Variants in HDAC9 observed in about 807,000 individuals in gnomAD.
HDAC9 encodes MEF-2 interacting transcription repressor (MITR) protein.
HDAC9 carries 41 observed loss-of-function variants against 139.4 expected under a neutral mutation model. The observed-to-expected ratio is 0.29, with a 90% CI of 0.23 to 0.38. The LOEUF is 0.38. Ranked by LOEUF, HDAC9 falls within the 10% of genes least tolerant of loss-of-function variation. The pLI is 1.00. For missense variants in HDAC9, 1,147 were observed against 1,297.0 expected, an observed-to-expected ratio of 0.88 and a Z score of 1.78; for synonymous variants, 517 against 476.2, an observed-to-expected ratio of 1.09 and a Z score of -1.12.
chr7:18,835,637 T>C, intron 20 of HDAC9, 51 bp downstream of exon 20: 2 of 1,607,564 alleles, frequency 1.2e-6, no homozygotes, highest in Non-Finnish European at 1.7e-6. Flanking sequence ...TTTCAGGTAA[T>C]TGCATTGCAT....
At chr7:18,357,614 G>A (rs1783424813) in intron 1 of HDAC9, among the ~76,000 whole-genome samples, 3 of 152,142 alleles carry the variant, frequency 2.0e-5, no homozygotes, top group African/African-American at 7.2e-5. Flanking sequence ...AAAAAGGTCA[G>A]TAAGTATATA....
intron 1 of HDAC9, among the ~76,000 whole-genome samples, chr7:18,142,559 CCATG>C (rs1785983062): frequency 6.6e-6 from 1 of 152,208 alleles, no homozygotes; most frequent in Non-Finnish European, 1.5e-5. Flanking sequence ...GCCTCCCTCA[CCATG>C]CAAGGGAATT....
At chr7:18,198,423 G>C (rs576154917) in intron 2 of HDAC9, among the ~76,000 whole-genome samples, 1 of 152,116 alleles carries the variant, frequency 6.6e-6, no homozygotes, top group Middle Eastern at 3.2e-3. Context: ...TCTTCTCTTA[G>C]AGTTGATTAT....
Position 18,149,739 on chromosome 7 carries a change from A to G in HDAC9, c.-96-12490A>G, listed in dbSNP as rs1401055220. Among the ~76,000 whole-genome samples, 10 of 151,846 alleles carry G rather than the reference A, an allele frequency of 6.6e-5. No homozygotes were observed. In the East Asian group the frequency reaches 1.9e-3, roughly 30 times the overall value. On this transcript the variant is annotated intron_variant, in intron 1 of 12. Coordinates refer to the HDAC9 transcript ENST00000417496. ...CTAATTTAGTTTTTGTATTTTTAGT[A>G]GAGACAGGGTTTCACTGTGTTAGCC...
intron 1 of HDAC9, among the ~76,000 whole-genome samples, chr7:18,356,054 A>G (rs28593745): frequency 0.053 from 8,018 of 152,156 alleles, 637 homozygotes; most frequent in African/African-American, 0.17. Context: ...CCTTTAAATG[A>G]CCAAATTTAT....
At position 18,707,798 on chromosome 7, in the gene HDAC9, G is replaced by A. The variant is rs529628603; in HGVS notation, c.1732-19782G>A. 5.3e-5 allele frequency among the ~76,000 whole-genome samples: 8 copies of A among 152,114 alleles called. No homozygotes were observed. In the South Asian group the frequency reaches 1.7e-3, roughly 31 times the overall value. ...TTCTTAAAAGAAGAAACTTGACTGA[G>A]AAAGAACAGAGAAAGTTTTGGCAGT... On this transcript the variant is annotated intron_variant, in intron 12 of 25. Coordinates refer to ENST00000686413, the MANE Select transcript of HDAC9 (RefSeq NM_178425.4).
chr7:18,733,705 A>T (rs887138697), intron 13 of HDAC9, among the ~76,000 whole-genome samples: 3 of 151,730 alleles, frequency 2.0e-5, no homozygotes, highest in Admixed American at 1.3e-4. Flanking sequence ...ACACATATAT[A>T]TTTTTTTGGG....
intron 12 of HDAC9, among the ~76,000 whole-genome samples, chr7:18,695,281 C>CT (rs1782961041): frequency 1.3e-5 from 2 of 152,092 alleles, no homozygotes; most frequent in South Asian, 4.1e-4. Context: ...TTCAGGGACT[C>CT]TTTGGGGGAG....
intron 2 of HDAC9, among the ~76,000 whole-genome samples, chr7:18,536,271 A>G (rs1810869693): frequency 6.6e-6 from 1 of 152,180 alleles, no homozygotes; most frequent in Non-Finnish European, 1.5e-5. Flanking sequence ...TCACTGTGGT[A>G]ATCTGCCTGC....
rs150477419 is a variant in HDAC9 at position 18,910,712 on chromosome 7, C to T, written c.2804-25097C>T. Among the ~76,000 whole-genome samples the T allele has an allele frequency of 3.4e-4, 52 of 152,034 alleles. 1 individual carries two copies. In the East Asian group the frequency reaches 9.5e-3, roughly 28 times the overall value. The stretch of plus-strand genomic sequence containing the variant: ...CTCTTTCTGTGTCTATTGTGATGAT[C>T]GTATGGCTTTCATCTTTTATTCTGT... On this transcript the variant is annotated intron_variant, in intron 22 of 25. Transcript: ENST00000686413.
intron 1 of HDAC9, among the ~76,000 whole-genome samples, chr7:18,348,419 T>C (rs923238843): frequency 1.3e-5 from 2 of 152,182 alleles, no homozygotes; most frequent in Non-Finnish European, 2.9e-5. Context: ...ATTTAAAAAA[T>C]GAGGATAATA....
chr7:18,215,018 G>A (rs941222295), intron 2 of HDAC9, among the ~76,000 whole-genome samples: 1 of 152,134 alleles, frequency 6.6e-6, no homozygotes, highest in Non-Finnish European at 1.5e-5. Context: ...ACTATGGTAT[G>A]ATAATGGGCT....
rs548377884 is a variant in HDAC9 at position 18,919,929 on chromosome 7, A to G, written c.2804-15880A>G. 2.7e-3 allele frequency among the ~76,000 whole-genome samples: 410 copies of G among 152,150 alleles called. 1 individual carries two copies. The highest frequency in any genetic ancestry group is 9.2e-3 in the African/African-American group (384 of 41,530). On this transcript the variant is annotated intron_variant, in intron 22 of 25. Coordinates refer to ENST00000686413, the MANE Select transcript of HDAC9 (RefSeq NM_178425.4). ...GTAGTATAGTTTGAAGTCAGGTAGCATGATGCCTCCAGCTTTGTTCTTTTG... is the reference window on the plus strand; with the variant it reads ...GTAGTATAGTTTGAAGTCAGGTAGCGTGATGCCTCCAGCTTTGTTCTTTTG...
At chr7:18,116,534 A>C (rs1300214523) in intron 1 of HDAC9, among the ~76,000 whole-genome samples, 2 of 152,224 alleles carry the variant, frequency 1.3e-5, no homozygotes, top group Admixed American at 6.5e-5. Context: ...AGTTCATTCT[A>C]GATCAATAGT....
At chr7:18,140,508 A>G (rs1785823434) in intron 1 of HDAC9, among the ~76,000 whole-genome samples, 1 of 152,202 alleles carries the variant, frequency 6.6e-6, no homozygotes, top group African/African-American at 2.4e-5. Context: ...TCAAATAAGC[A>G]AAATTAGGAA....
intron 6 of HDAC9, among the ~76,000 whole-genome samples, chr7:18,628,278 T>C (rs1261798930): frequency 6.6e-6 from 1 of 152,196 alleles, no homozygotes; most frequent in African/African-American, 2.4e-5. Flanking sequence ...CTTTTACCTC[T>C]GTAACCTTGG....
At chr7:18,127,650 G>A (rs760690120) in intron 1 of HDAC9, among the ~76,000 whole-genome samples, 1 of 152,070 alleles carries the variant, frequency 6.6e-6, no homozygotes, top group Non-Finnish European at 1.5e-5. Context: ...TATTTTTCAA[G>A]TTATGTATTT....
chr7:18,870,473 C>T (rs1798829185), intron 21 of HDAC9, among the ~76,000 whole-genome samples: 1 of 152,136 alleles, frequency 6.6e-6, no homozygotes, highest in Admixed American at 6.5e-5. Context: ...GCCTTTAATG[C>T]ATCATATCAG....
chr7:18,956,331 C>A (rs1010296112), intron 24 of HDAC9, among the ~76,000 whole-genome samples: 1 of 151,996 alleles, frequency 6.6e-6, no homozygotes, highest in African/African-American at 2.4e-5. Context: ...TATTTATTTT[C>A]GATGTTTCTC....
Sources: allele counts gnomAD v4.1 joint callset (sites outside exome capture counted in the v4.1 genomes callset), GRCh38; gene constraint gnomAD v4.1.1; transcripts MANE v1.5; gene names NCBI Gene and HGNC (gene_info 2026-07-23, HGNC 2026-07-21).